PSMC2: variants seen among roughly 807,000 people sequenced by gnomAD.
The protein encoded by PSMC2 is proteasome 26S subunit, ATPase 2, also known as 26S proteasome regulatory subunit 7.
A neutral mutation model predicts 53.3 loss-of-function variants in PSMC2; 7 were observed. That is an observed-to-expected ratio of 0.13 (90% CI 0.07 to 0.25). PSMC2 has a LOEUF of 0.25. PSMC2 is among the 10% of genes least tolerant of loss of function. PSMC2 has a pLI of 1.00. For missense variants in PSMC2, 241 were observed against 544.0 expected, an observed-to-expected ratio of 0.44 and a Z score of 5.54; for synonymous variants, 169 against 183.9, an observed-to-expected ratio of 0.92 and a Z score of 0.66.
At chr7:103,361,426 C>T (rs1276217216) in intron 4 of PSMC2, among the ~76,000 whole-genome samples, 1 of 141,362 alleles carries the variant, frequency 7.1e-6, no homozygotes, top group African/African-American at 2.7e-5. Flanking sequence ...AGGAGAATTG[C>T]ATGAACCCAA....
intron 1 of PSMC2, among the ~76,000 whole-genome samples, chr7:103,349,957 CTT>C (rs1404395354): frequency 1.3e-5 from 2 of 152,136 alleles, no homozygotes; most frequent in Non-Finnish European, 2.9e-5. Context: ...TAAGAGTTCT[CTT>C]AACTTCTCTG....
intron 4 of PSMC2, among the ~76,000 whole-genome samples, chr7:103,360,409 T>C (rs2116210115): frequency 6.6e-6 from 1 of 152,226 alleles, no homozygotes; most frequent in South Asian, 2.1e-4. Context: ...CTAGCAAACA[T>C]GGTTGGTAAC....
intron 4 of PSMC2, among the ~76,000 whole-genome samples, chr7:103,357,942 C>T (rs562261647): frequency 1.4e-4 from 21 of 152,260 alleles, no homozygotes; most frequent in African/African-American, 4.3e-4. Context: ...TTCCCAGCAC[C>T]TTCTGACCTG....
chr7:103,356,146 A>G (rs2116165203), intron 4 of PSMC2, among the ~76,000 whole-genome samples: 1 of 151,496 alleles, frequency 6.6e-6, no homozygotes, highest in South Asian at 2.1e-4. Flanking sequence ...GCAAAGAAAC[A>G]TATCCTGATT....
chr7:103,365,342 T>G (rs2116257542), intron 8 of PSMC2, among the ~76,000 whole-genome samples: 1 of 152,108 alleles, frequency 6.6e-6, no homozygotes. Flanking sequence ...TTAAAAAAAG[T>G]TTAGATAGGC....
At chr7:103,364,897 C>A (rs564694305) in intron 8 of PSMC2, among the ~76,000 whole-genome samples, 233 of 147,558 alleles carry the variant, frequency 1.6e-3, no homozygotes, top group Admixed American at 3.7e-3. Context: ...ACTTCAGGGG[C>A]AGTGTTTTCA....
In PSMC2 at chr7:103,368,082, T is replaced by A; in HGVS notation, c.*28T>A. ...CCTGAAGGCTTTCAAGTGAAAACTTTAAATTGGAATCCTAACCTTATATAG... is the reference window on the plus strand; with the variant it reads ...CCTGAAGGCTTTCAAGTGAAAACTTAAAATTGGAATCCTAACCTTATATAG... On this transcript the variant is annotated 3_prime_UTR_variant, in exon 12 of 12. Coordinates refer to ENST00000292644, the MANE Select transcript of PSMC2 (RefSeq NM_002803.4). 1 of 1,575,522 alleles carries A rather than the reference T, an allele frequency of 6.3e-7. No homozygotes were observed. The highest frequency in any genetic ancestry group is 8.6e-7 in the Non-Finnish European group (1 of 1,157,884).
At position 103,367,768 on chromosome 7, in the gene PSMC2, T is replaced by G; in HGVS notation, c.1103T>G (p.Ile368Ser). ...HARSMSVERD[I>S]RFELLARLCP... is the part of the protein sequence containing the mutation. ...CGTTCAATGAGTGTTGAAAGAGATA[T>G]CAGATTTGAACTGTTAGCACGACTG... The change falls in exon 11 of 12, where the codon ATC (isoleucine) becomes AGC (serine). Residue 368 changes from isoleucine to serine, a missense_variant. This residue lies in a region of PSMC2 where 60 missense variants were observed against 115.8 expected (regional missense o/e 0.52). Coordinates refer to ENST00000292644, the MANE Select transcript of PSMC2 (RefSeq NM_002803.4). The surrounding 1 kb of genome is among the most constrained non-coding windows in gnomAD (Gnocchi z 6.1). 1.2e-6 allele frequency: 2 copies of G among 1,614,084 alleles called. No individual in the cohort carries two copies. The highest frequency in any genetic ancestry group is 1.7e-6 in the Non-Finnish European group (2 of 1,179,966).
chr7:103,347,850 G>A, intron 1 of PSMC2, 69 bp downstream of exon 1: 1 of 1,554,232 alleles, frequency 6.4e-7, no homozygotes, highest in Non-Finnish European at 8.9e-7. Context: ...GCACTGGAGA[G>A]GAGCTGGATT....
Position 103,368,764 on chromosome 7 carries a change from AT to A in PSMC2, c.*711del, listed in dbSNP as rs1405302742. 3 of 152,352 alleles carry A rather than the reference AT, an allele frequency of 2.0e-5. No homozygotes were observed. Among genetic ancestry groups the A allele is most frequent in the South Asian group, 4.1e-4 (2 of 4,826 alleles). The allele number at this position is 152,352 out of a possible 1,614,324, so 9.4% of individuals were successfully genotyped here. A position where few individuals can be genotyped will look rare whatever the true frequency, so the allele number is the denominator to read the frequency against. On this transcript the variant is annotated 3_prime_UTR_variant, in exon 12 of 12. Coordinates refer to ENST00000292644, the MANE Select transcript of PSMC2 (RefSeq NM_002803.4). ...AAGACTAGTAAAAAAAGAAAAAAAA[AT>A]ATTTGTACATATGATCTAATTTAGA...
intron 1 of PSMC2, among the ~76,000 whole-genome samples, chr7:103,352,320 A>G (rs1819772009): frequency 6.9e-6 from 1 of 144,276 alleles, no homozygotes; most frequent in South Asian, 2.3e-4. Flanking sequence ...GATATATTCT[A>G]TAAAGTTGCT....
At chr7:103,362,606 T>A in intron 5 of PSMC2, 80 bp from the exon 6 acceptor site, 3 of 1,480,586 alleles carry the variant, frequency 2.0e-6, no homozygotes, top group Non-Finnish European at 2.8e-6. Flanking sequence ...AAAGTATGGT[T>A]TTGGGGATAA....
rs35936603 is a variant in PSMC2 at position 103,359,138 on chromosome 7, C to CTTTTTTTTTTTT, written c.291-2798_291-2787dup. On this transcript the variant is annotated intron_variant, in intron 4 of 11. Coordinates refer to ENST00000292644, the MANE Select transcript of PSMC2 (RefSeq NM_002803.4). ...CAGGTGCATACCACCCCATGTCTGG[C>CTTTTTTTTTTTT]TTTTTTTTTTTTTTTTTTTTTTTTT... 3.2e-3 allele frequency among the ~76,000 whole-genome samples: 100 copies of CTTTTTTTTTTTT among 31,326 alleles called. 11 individuals carry two copies. Among genetic ancestry groups the CTTTTTTTTTTTT allele is most frequent in the Admixed American group, 4.6e-3 (7 of 1,510 alleles). The allele number at this position is 31,326 out of a possible 152,430, so 20.6% of individuals were successfully genotyped here. A position where few individuals can be genotyped will look rare whatever the true frequency, so the allele number is the denominator to read the frequency against.
At position 103,363,335 on chromosome 7, in the gene PSMC2, C is replaced by G. The variant is rs374841935; in HGVS notation, c.496-9C>G. On this transcript the variant is annotated splice_polypyrimidine_tract_variant and intron_variant, in intron 6 of 11. Coordinates refer to ENST00000292644, the MANE Select transcript of PSMC2 (RefSeq NM_002803.4). Reference sequence around the variant, plus strand: ...GACTGTATGTTGTACATTTCTGTCCCTCTCTTAGGTGGAAGAGAAACCTGA... The same window carrying G: ...GACTGTATGTTGTACATTTCTGTCCGTCTCTTAGGTGGAAGAGAAACCTGA... 15 of 1,602,114 alleles carry G rather than the reference C, an allele frequency of 9.4e-6. No individual in the cohort carries two copies. Among genetic ancestry groups the G allele is most frequent in the Non-Finnish European group, 1.2e-5 (14 of 1,169,212 alleles).
chr7:103,368,837 C>A lies in PSMC2; in HGVS notation c.*783C>A, dbSNP rs1820863080. On this transcript the variant is annotated 3_prime_UTR_variant, in exon 12 of 12. Coordinates refer to ENST00000292644, the MANE Select transcript of PSMC2 (RefSeq NM_002803.4). ...CAGAAAAGTGATTACTTTCATTTTA[C>A]AAATTACTTTAAAATTTTGGTAAAG... is the stretch of plus-strand genomic sequence containing the variant. 6.6e-6 allele frequency: 1 copy of A among 152,120 alleles called. No individual in the cohort carries two copies. The highest frequency in any genetic ancestry group is 6.6e-5 in the Admixed American group (1 of 15,258). 9.4% of individuals were successfully genotyped at this position (152,120 alleles called of 1,614,324 possible). A position where few individuals can be genotyped will look rare whatever the true frequency, so the allele number is the denominator to read the frequency against.
intron 4 of PSMC2, among the ~76,000 whole-genome samples, chr7:103,357,476 T>G (rs1820102996): frequency 6.6e-6 from 1 of 152,222 alleles, no homozygotes; most frequent in Non-Finnish European, 1.5e-5. Context: ...TGCTATATCT[T>G]GTGTATTATA....
At chr7:103,355,312 G>C (rs1819968514) in intron 3 of PSMC2, among the ~76,000 whole-genome samples, 1 of 152,168 alleles carries the variant, frequency 6.6e-6, no homozygotes, top group Non-Finnish European at 1.5e-5. Flanking sequence ...GAACTTTTTG[G>C]GGGGAACTTG....
chr7:103,347,735 T>G lies in PSMC2; in HGVS notation c.24T>G (p.Asp8Glu). MPDYLGA[D>E]QRKTKEDEKD... Reference sequence around the variant, plus strand: ...AAATGCCGGATTACCTCGGTGCCGATCAGCGGAAGACCAAAGAGGATGAGA... The same window carrying G: ...AAATGCCGGATTACCTCGGTGCCGAGCAGCGGAAGACCAAAGAGGATGAGA... Residue 8 changes from aspartate (D) to glutamate (E), a missense_variant, in exon 1 of 12, where the codon GAT becomes GAG. By Grantham distance (45) the Asp-to-Glu change is conservative (BLOSUM62 2). Around this residue, in one of 6 missense-constraint regions of PSMC2, gnomAD observed 70 missense variants for 57.9 expected, o/e 1.21. Coordinates refer to ENST00000292644, the MANE Select transcript of PSMC2 (RefSeq NM_002803.4). 6.2e-7 allele frequency: 1 copy of G among 1,613,942 alleles called. No homozygotes were observed.
intron 1 of PSMC2, among the ~76,000 whole-genome samples, chr7:103,350,782 G>A (rs1464788693): frequency 6.6e-6 from 1 of 152,050 alleles, no homozygotes; most frequent in African/African-American, 2.4e-5. Flanking sequence ...TCAGGGGTGA[G>A]CTACCATGCC....
Sources: gnomAD v4.1 joint callset for allele counts (sites outside exome capture counted in the v4.1 genomes callset) on GRCh38, gnomAD v4.1.1 for gene constraint, gnomAD v4.1.1 regional missense constraint, Gnocchi (gnomAD v3.1) non-coding constraint, MANE v1.5 for transcripts, NCBI Gene and HGNC (gene_info 2026-07-23, HGNC 2026-07-21) for gene names.